Variants in DMPK observed in about 807,000 individuals in gnomAD.
The protein encoded by DMPK is DM1 protein kinase.
Under a neutral mutation model 70.3 loss-of-function variants are expected in DMPK, and 32 were observed. That is an observed-to-expected ratio of 0.46 (90% CI 0.34 to 0.61). DMPK has a LOEUF of 0.61. Ranked by LOEUF, DMPK falls within the 20% of genes least tolerant of loss-of-function variation. The probability of loss-of-function intolerance (pLI) is 0.01; values close to 1 mark genes in which losing one functional copy is unlikely to be tolerated. For missense variants in DMPK, 899 were observed against 886.0 expected (o/e 1.01, Z -0.19); for synonymous variants, 469 against 390.9 (o/e 1.20, Z -2.36).
rs1039328106 is a variant in DMPK, at chr19:45,774,964, G to C, written c.1217C>G (p.Ser406Cys). 1.8e-5 allele frequency: 29 copies of C among 1,613,932 alleles called. No homozygotes were observed. Among genetic ancestry groups the C allele is most frequent in the Non-Finnish European group, 2.5e-5 (29 of 1,179,952 alleles). The part of the protein sequence containing the change: ...VHLPFVGYSY[S>C]CMALRDSEVP... ...CAGTGCTTACCTGAGGGCCATGCAG[G>C]AGTAGGAGTAGCCCACAAAAGGCAG... The change falls in exon 9 of 15, where the codon TCC becomes TGC. Residue 406 changes from serine (S) to cysteine (C), a missense_variant. Coordinates refer to ENST00000291270, the MANE Select transcript of DMPK (RefSeq NM_004409.5).
intron 8 of DMPK, among the ~76,000 whole-genome samples, chr19:45,776,365 G>C (rs36135587): frequency 2.7e-4 from 12 of 44,186 alleles, no homozygotes; most frequent in Admixed American, 7.6e-4. Flanking sequence ...AGATGGTCTC[G>C]ATCTCCTGAC....
chr19:45,773,806 C>T (rs537546070), intron 9 of DMPK, among the ~76,000 whole-genome samples: 5 of 151,666 alleles, frequency 3.3e-5, no homozygotes, highest in Admixed American at 1.3e-4. Context: ...ATGCCTGGCA[C>T]GATTTTTTCA....
Position 45,777,295 on chromosome 19 carries a change from C to T in DMPK, c.1146+32G>A. 6.5e-7 allele frequency: 1 copy of T among 1,530,658 alleles called. No homozygotes were observed. Among genetic ancestry groups the T allele is most frequent in the Non-Finnish European group, 8.8e-7 (1 of 1,139,504 alleles). The allele number at this position is 1,530,658 out of a possible 1,614,324, so 94.8% of individuals were successfully genotyped here. On this transcript the variant is annotated intron_variant, in intron 8 of 14. Transcript: ENST00000291270. This position sits in a 1 kb window ranked among gnomAD's most constrained non-coding sequence, Gnocchi z 6.7. ...TTTATGGAGGGAGCATGGGGAGGTT[C>T]CCGCAGCCGAGCAGGGGCCACAGGT...
rs1435624937 is a variant in DMPK, at chr19:45,770,963, G to T, written c.1737+8C>A. 1.4e-6 allele frequency: 2 copies of T among 1,420,678 alleles called. No homozygotes were observed. Among genetic ancestry groups the T allele is most frequent in the African/African-American group, 3.0e-5 (2 of 67,212 alleles). 88.0% of individuals were successfully genotyped at this position (1,420,678 alleles called of 1,614,324 possible). ...ACGGCGGAGGGGGGCGTGGGCAGCC[G>T]GACGTACCCTGGCAGGGAGCAGCAG... On this transcript the variant is annotated splice_region_variant and intron_variant, in intron 14 of 14. Transcript: ENST00000291270.
At chr19:45,770,789 C>A in intron 14 of DMPK, 149 bp from the exon 15 acceptor site, 2 of 1,053,118 alleles carry the variant, frequency 1.9e-6, no homozygotes, top group East Asian at 5.2e-5. Flanking sequence ...TCCACTCGCA[C>A]GCCTCGAATC....
chr19:45,779,002 C>T (rs1301507517), intron 4 of DMPK: 3 of 587,214 alleles, frequency 5.1e-6, no homozygotes, highest in Non-Finnish European at 6.1e-6. Context: ...TATCCCATTC[C>T]AGGTAAGAGA....
chr19:45,779,038 A>G, intron 4 of DMPK: 1 of 599,956 alleles, frequency 1.7e-6, no homozygotes, highest in Non-Finnish European at 3.0e-6. Flanking sequence ...ACATCTTTAT[A>G]AGAGTCCCCC....
At chr19:45,781,332 C>G (rs1275808270) in intron 1 of DMPK, among the ~76,000 whole-genome samples, 1 of 152,136 alleles carries the variant, frequency 6.6e-6, no homozygotes, top group African/African-American at 2.4e-5. Flanking sequence ...AGGAGGTGGG[C>G]AGACAAGGCA....
chr19:45,772,280 A>G lies in DMPK; in HGVS notation c.1345-352T>C, dbSNP rs2146228328. ...TGCTGGCCTCTCCAGCCTTCTCAGGAATGATTCAGCCAAACTACCTTTCAG... is the reference window on the plus strand; with the variant it reads ...TGCTGGCCTCTCCAGCCTTCTCAGGGATGATTCAGCCAAACTACCTTTCAG... On this transcript the variant is annotated intron_variant, in intron 10 of 14. Coordinates refer to ENST00000291270, the MANE Select transcript of DMPK (RefSeq NM_004409.5). 4 of 367,648 alleles carry G rather than the reference A, an allele frequency of 1.1e-5. No homozygotes were observed. In the East Asian group the frequency reaches 2.0e-4, roughly 19 times the overall value. The allele number at this position is 367,648 out of a possible 1,614,324, so 22.8% of individuals were successfully genotyped here.
Position 45,775,499 on chromosome 19 carries a change from G to A in DMPK, c.1147-465C>T, listed in dbSNP as rs1482393058. ...CAAAGTGCTGGGATTACAAATATAA[G>A]CCACTGTGCCCAGCCCAGTTCTGTT... is the stretch of plus-strand genomic sequence containing the variant. On this transcript the variant is annotated intron_variant, in intron 8 of 14. Coordinates refer to ENST00000291270, the MANE Select transcript of DMPK (RefSeq NM_004409.5). Among the ~76,000 whole-genome samples the A allele has an allele frequency of 3.0e-5, 2 of 65,710 alleles. 1 individual carries two copies. Among genetic ancestry groups the A allele is most frequent in the Non-Finnish European group, 6.6e-5 (2 of 30,154 alleles). The allele number at this position is 65,710 out of a possible 152,430, so 43.1% of individuals were successfully genotyped here.
intron 4 of DMPK, 94 bp from the exon 5 acceptor site, chr19:45,778,735 C>T: frequency 7.3e-7 from 1 of 1,362,266 alleles, no homozygotes; most frequent in Middle Eastern, 2.0e-4. Flanking sequence ...ACACCCCATC[C>T]TTGGGCAGAG....
chr19:45,771,632 G>A lies in DMPK; in HGVS notation c.1536C>T (p.Asp512=). The change falls in exon 12 of 15, where the codon GAC becomes GAT. Residue 512 remains aspartate (D), a synonymous_variant. Coordinates refer to ENST00000291270, the MANE Select transcript of DMPK (RefSeq NM_004409.5). ...QLREAEARNR[D]LEAHVRQLQE... ...GCAACTGCCGGACGTGTGCCTCTAG[G>A]TCCCGGTTCCGAGCCTCTGCCTCGC... 1 of 1,614,022 alleles carries A rather than the reference G, an allele frequency of 6.2e-7. No individual in the cohort carries two copies. Among genetic ancestry groups the A allele is most frequent in the Non-Finnish European group, 8.5e-7 (1 of 1,179,944 alleles).
At chr19:45,781,113 A>G (rs1441696047) in intron 1 of DMPK, among the ~76,000 whole-genome samples, 1 of 152,170 alleles carries the variant, frequency 6.6e-6, no homozygotes, top group African/African-American at 2.4e-5. Flanking sequence ...GAGGAGGGAA[A>G]GGAACCAGGC....
In DMPK at chr19:45,777,862, C is replaced by G. The variant is rs369136836; in HGVS notation, c.687G>C (p.Leu229=). ...KLRADGTVRS[L]VAVGTPDYLS... ...GGTAGTCTGGGGTGCCCACAGCCAC[C>G]AGCGACCGCACCTGGACCAAAAGGA... Residue 229 remains leucine, a synonymous_variant, in exon 7 of 15, where the codon CTG becomes CTC. Coordinates refer to ENST00000291270, the MANE Select transcript of DMPK (RefSeq NM_004409.5). This position sits in a 1 kb window ranked among gnomAD's most constrained non-coding sequence, Gnocchi z 6.7. 3.1e-6 allele frequency: 5 copies of G among 1,608,494 alleles called. No homozygotes were observed. The East Asian group carries it at 6.7e-5, about 22-fold the overall frequency.
chr19:45,777,184 C>G lies in DMPK; in HGVS notation c.1146+143G>C, dbSNP rs751280117. 8.4e-7 allele frequency: 1 copy of G among 1,191,680 alleles called. No individual in the cohort carries two copies. Among genetic ancestry groups the G allele is most frequent in the Non-Finnish European group, 1.1e-6 (1 of 879,032 alleles). 73.8% of individuals were successfully genotyped at this position (1,191,680 alleles called of 1,614,324 possible). A position where few individuals can be genotyped will look rare whatever the true frequency, so the allele number is the denominator to read the frequency against. On this transcript the variant is annotated intron_variant, in intron 8 of 14. Transcript: ENST00000291270. This position sits in a 1 kb window ranked among gnomAD's most constrained non-coding sequence, Gnocchi z 6.7. ...CTGTAAGTCTAGGTCACTGCTGGGTCCTCAGTAGTAGATGGGCACAGAGCA... is the reference window on the plus strand; with the variant it reads ...CTGTAAGTCTAGGTCACTGCTGGGTGCTCAGTAGTAGATGGGCACAGAGCA...
At position 45,778,199 on chromosome 19, in the gene DMPK, G is replaced by A; in HGVS notation, c.603C>T (p.Ile201=). ...YVHRDIKPDN[I]LLDRCGHIRL... ...GGATGTGGCCACAGCGGTCCAGCAG[G>A]ATGTTGTCGGGTTTGATGTCCCTGC... The change falls in exon 6 of 15, where the codon ATC becomes ATT. Residue 201 remains isoleucine, a synonymous_variant. Coordinates refer to ENST00000291270, the MANE Select transcript of DMPK (RefSeq NM_004409.5). The A allele has an allele frequency of 6.2e-7, 1 of 1,613,832 alleles. No homozygotes were observed. Among genetic ancestry groups the A allele is most frequent in the Non-Finnish European group, 8.5e-7 (1 of 1,179,892 alleles).
In DMPK at chr19:45,773,955, C is replaced by CT. The variant is rs1015477582; in HGVS notation, c.1232+993dup. 0.015 allele frequency among the ~76,000 whole-genome samples: 2,087 copies of CT among 135,680 alleles called. 161 individuals carry two copies. In the East Asian group the frequency reaches 0.25, roughly 17 times the overall value. 89.0% of individuals were successfully genotyped at this position (135,680 alleles called of 152,430 possible). On this transcript the variant is annotated intron_variant, in intron 9 of 14. Coordinates refer to ENST00000291270, the MANE Select transcript of DMPK (RefSeq NM_004409.5). ...ACCATGCCCAGCCTGTAAATTAGTA[C>CT]TTTTTTTTTTTTTTTTTTGAGATGA...
chr19:45,774,974 A>G lies in DMPK; in HGVS notation c.1207T>C (p.Tyr403His), dbSNP rs1219473577. 1.2e-6 allele frequency: 2 copies of G among 1,614,046 alleles called. No homozygotes were observed. Among genetic ancestry groups the G allele is most frequent in the South Asian group, 1.1e-5 (1 of 91,086 alleles). Residue 403 changes from tyrosine (Y) to histidine (H), a missense_variant, in exon 9 of 15, where the codon TAC becomes CAC. By Grantham distance (83) the Tyr-to-His change is moderately conservative (BLOSUM62 2). This residue lies in a region of DMPK where 555 missense variants were observed against 483.8 expected (regional missense o/e 1.15). Coordinates refer to ENST00000291270, the MANE Select transcript of DMPK (RefSeq NM_004409.5). Reference protein sequence around the residue: ...PLGVHLPFVGYSYSCMALRDS... With the variant: ...PLGVHLPFVGHSYSCMALRDS... ...CTGAGGGCCATGCAGGAGTAGGAGT[A>G]GCCCACAAAAGGCAGGTGGACCCCT...
chr19:45,778,391 C>T, intron 5 of DMPK, 102 bp downstream of exon 5: 1 of 1,488,942 alleles, frequency 6.7e-7, no homozygotes, highest in South Asian at 1.2e-5. Context: ...TGGGCCCCAA[C>T]CAAGAAGGTC....
Sources: gnomAD v4.1 joint callset for allele counts (sites outside exome capture counted in the v4.1 genomes callset) on GRCh38, gnomAD v4.1.1 for gene constraint, gnomAD v4.1.1 regional missense constraint, Gnocchi (gnomAD v3.1) non-coding constraint, MANE v1.5 for transcripts, NCBI Gene and HGNC (gene_info 2026-07-23, HGNC 2026-07-21) for gene names.